Variants in ZFR observed in about 807,000 individuals in gnomAD.
ZFR encodes the protein zinc finger RNA-binding protein.
A neutral mutation model predicts 130.7 loss-of-function variants in ZFR; 19 were observed. The ratio of observed to expected loss-of-function variants is 0.15; its 90% CI spans 0.10 to 0.21. The LOEUF is 0.21. Among genes scored for constraint, ZFR ranks in the 10% least tolerant of loss-of-function variants. The pLI, the probability that ZFR is intolerant of heterozygous loss-of-function variation, is 1.00. For synonymous variants in ZFR, 466 were observed against 456.9 expected, an observed-to-expected ratio of 1.02 and a Z score of -0.25; for missense variants, 872 against 1,321.5, an observed-to-expected ratio of 0.66 and a Z score of 5.27.
chr5:32,416,043 G>GCAA (rs1436294615), intron 4 of ZFR, among the ~76,000 whole-genome samples: 2 of 151,680 alleles, frequency 1.3e-5, no homozygotes, highest in Non-Finnish European at 1.5e-5. Context: ...ATGGCTCACT[G>GCAA]CAACCTCAAA....
intron 19 of ZFR, among the ~76,000 whole-genome samples, chr5:32,358,392 G>A (rs1326573211): frequency 1.3e-5 from 2 of 152,144 alleles, no homozygotes; most frequent in African/African-American, 2.4e-5. Flanking sequence ...CGGGCGCGGT[G>A]GCGCAAGCCT....
intron 6 of ZFR, 70 bp from the exon 7 acceptor site, chr5:32,404,167 A>C: frequency 3.6e-6 from 5 of 1,382,888 alleles, no homozygotes; most frequent in Non-Finnish European, 4.9e-6. Flanking sequence ...TTCAATTCTC[A>C]AGAAATCTCT....
At chr5:32,397,144 T>TA in intron 10 of ZFR, 75 bp downstream of exon 10, 1 of 1,499,076 alleles carries the variant, frequency 6.7e-7, no homozygotes, top group Non-Finnish European at 8.9e-7. Context: ...TGCTTTCTTT[T>TA]ACATAAAGAA....
intron 17 of ZFR, among the ~76,000 whole-genome samples, chr5:32,373,571 A>G (rs1312421780): frequency 1.3e-5 from 2 of 152,212 alleles, no homozygotes; most frequent in Non-Finnish European, 2.9e-5. Flanking sequence ...AACTCAAGAA[A>G]TTTGTAAAAT....
At chr5:32,413,424 G>A (rs1423668) in intron 5 of ZFR, among the ~76,000 whole-genome samples, 145,644 of 152,234 alleles carry the variant, frequency 0.96, 69,742 homozygotes, top group African/African-American at 0.99. Context: ...AGACAGAGAC[G>A]TGCACTAAAA....
chr5:32,428,038 C>T (rs1418892036), intron 2 of ZFR, among the ~76,000 whole-genome samples: 2 of 152,162 alleles, frequency 1.3e-5, no homozygotes, highest in African/African-American at 2.4e-5. Flanking sequence ...AGGAAAAAAG[C>T]TTCATGACAT....
intron 15 of ZFR, among the ~76,000 whole-genome samples, chr5:32,383,219 T>A (rs1029474067): frequency 1.3e-5 from 2 of 152,198 alleles, no homozygotes; most frequent in Non-Finnish European, 2.9e-5. Context: ...AGGCTCTGCA[T>A]CCAAAATCCC....
intron 17 of ZFR, among the ~76,000 whole-genome samples, chr5:32,378,718 T>A (rs1377367916): frequency 6.6e-6 from 1 of 152,106 alleles, no homozygotes; most frequent in Non-Finnish European, 1.5e-5. Flanking sequence ...TATTTTTGAA[T>A]AATATGTATT....
At chr5:32,384,321 C>T (rs3828593) in intron 15 of ZFR, among the ~76,000 whole-genome samples, 145,150 of 152,242 alleles carry the variant, frequency 0.95, 69,258 homozygotes, top group African/African-American at 0.98. Context: ...CATAAGAAAA[C>T]CCTTTACACA....
At position 32,403,112 on chromosome 5, in the gene ZFR, A is replaced by T. The variant is rs1753504126; in HGVS notation, c.1510T>A (p.Phe504Ile). 1.2e-6 allele frequency: 2 copies of T among 1,613,604 alleles called. No homozygotes were observed. Among genetic ancestry groups the T allele is most frequent in the Admixed American group, 1.7e-5 (1 of 59,946 alleles). ...AGAGAATATCAGTACTTGCCAACAA[A>T]ATTTATTTTGGGGGTAGATGTTTTC... ...AKKTSTPKIN[F>I]VGGNKLQSTG... Residue 504 changes from phenylalanine (F) to isoleucine (I), a missense_variant, in exon 8 of 20, where the codon TTT (phenylalanine) becomes ATT (isoleucine). Physicochemically the swap from Phe to Ile is conservative, Grantham distance 21. Transcript: ENST00000265069.
At position 32,417,633 on chromosome 5, in the gene ZFR, G is replaced by C; in HGVS notation, c.565+15C>G. 6.2e-7 allele frequency: 1 copy of C among 1,610,986 alleles called. No homozygotes were observed. The highest frequency in any genetic ancestry group is 2.2e-5 in the East Asian group (1 of 44,878). On this transcript the variant is annotated intron_variant, in intron 4 of 19. Transcript: ENST00000265069. Reference sequence around the variant, plus strand: ...AATAGTTTACAAAGAAACTCTGTAGGTTAAGAAAACCCACCTGTCTGATAG... The same window carrying C: ...AATAGTTTACAAAGAAACTCTGTAGCTTAAGAAAACCCACCTGTCTGATAG...
At chr5:32,375,517 A>G (rs1481363681) in intron 17 of ZFR, among the ~76,000 whole-genome samples, 1 of 152,186 alleles carries the variant, frequency 6.6e-6, no homozygotes, top group East Asian at 1.9e-4. Flanking sequence ...TATGTCTCAA[A>G]GAAAAAAAAA....
At chr5:32,439,666 C>A (rs896632821) in intron 2 of ZFR, among the ~76,000 whole-genome samples, 2 of 152,000 alleles carry the variant, frequency 1.3e-5, no homozygotes, top group African/African-American at 4.8e-5. Context: ...TGAGGCTGGG[C>A]GTAGTGGCTC....
rs1394658632 is a variant in ZFR, at chr5:32,364,261, T to A, written c.2850A>T (p.Leu950=). 6.2e-7 allele frequency: 1 copy of A among 1,604,704 alleles called. No homozygotes were observed. Among genetic ancestry groups the A allele is most frequent in the African/African-American group, 1.3e-5 (1 of 74,774 alleles). ...SDFPSWAMEL[L]VEKAISSASS... is the part of the protein sequence containing the mutation. ...AAGCACTGCTGATTGCTTTCTCTAC[T>A]AGTAACTCCATAGCCTAAAAATACA... The change falls in exon 18 of 20, where the codon CTA becomes CTT. Residue 950 remains leucine (L), a synonymous_variant. Coordinates refer to ENST00000265069, the MANE Select transcript of ZFR (RefSeq NM_016107.5).
At chr5:32,423,519 T>C (rs1291463041) in intron 2 of ZFR, among the ~76,000 whole-genome samples, 2 of 151,888 alleles carry the variant, frequency 1.3e-5, no homozygotes, top group Non-Finnish European at 1.5e-5. Flanking sequence ...ACAAGAACTT[T>C]ATACTACCTA....
intron 2 of ZFR, among the ~76,000 whole-genome samples, chr5:32,422,457 C>T (rs952962242): frequency 6.6e-6 from 1 of 152,086 alleles, no homozygotes; most frequent in Non-Finnish European, 1.5e-5. Flanking sequence ...CTCTGTATAG[C>T]CAGGTCTCTA....
At chr5:32,430,702 A>T (rs1754189872) in intron 2 of ZFR, among the ~76,000 whole-genome samples, 1 of 152,224 alleles carries the variant, frequency 6.6e-6, no homozygotes, top group African/African-American at 2.4e-5. Context: ...GCCAGAGGGA[A>T]AAAACTGCCT....
intron 12 of ZFR, among the ~76,000 whole-genome samples, chr5:32,389,154 G>A (rs1333896444): frequency 6.6e-6 from 1 of 152,134 alleles, no homozygotes; most frequent in Non-Finnish European, 1.5e-5. Context: ...CCCAGCTTCT[G>A]CATCTCTCAA....
intron 2 of ZFR, among the ~76,000 whole-genome samples, chr5:32,421,632 C>A (rs1255825536): frequency 6.6e-6 from 1 of 152,026 alleles, no homozygotes. Flanking sequence ...GACACTTACT[C>A]CATGCTGCTC....
Sources: gnomAD v4.1 joint callset for allele counts (sites outside exome capture counted in the v4.1 genomes callset) on GRCh38, gnomAD v4.1.1 for gene constraint, MANE v1.5 for transcripts, NCBI Gene and HGNC (gene_info 2026-07-23, HGNC 2026-07-21) for gene names.